Variants in ZNF536 observed in about 807,000 individuals in gnomAD.
The protein encoded by ZNF536 is zinc finger protein 536.
ZNF536 carries 13 observed loss-of-function variants against 84.5 expected under a neutral mutation model. The observed-to-expected ratio is 0.15, with a 90% confidence interval of 0.10 to 0.24. The LOEUF is 0.24. Among genes scored for constraint, ZNF536 ranks in the 10% least tolerant of loss-of-function variants. The pLI is 1.00. For synonymous variants in ZNF536, 811 were observed against 742.5 expected (o/e 1.09, Z -1.50); for missense variants, 1,536 against 1,747.5 (o/e 0.88, Z 2.16).
intron 1 of ZNF536, among the ~76,000 whole-genome samples, chr19:30,270,891 T>C (rs1486814399): frequency 2.0e-5 from 3 of 152,238 alleles, no homozygotes; most frequent in Non-Finnish European, 2.9e-5. Flanking sequence ...ATTACAATGT[T>C]TGTTAATGTA....
At chr19:30,475,297 C>A (rs929363541) in intron 2 of ZNF536, among the ~76,000 whole-genome samples, 1 of 152,024 alleles carries the variant, frequency 6.6e-6, no homozygotes, top group East Asian at 1.9e-4. Context: ...TTCTCTTAGC[C>A]CTGTTCCTGT....
intron 1 of ZNF536, among the ~76,000 whole-genome samples, chr19:30,698,609 C>G (rs1367495337): frequency 6.6e-6 from 1 of 152,132 alleles, no homozygotes; most frequent in African/African-American, 2.4e-5. Context: ...CAGAACGTCC[C>G]TCAGTTGCAA....
chr19:30,289,737 C>T (rs548437323), intron 2 of ZNF536, among the ~76,000 whole-genome samples: 5 of 152,302 alleles, frequency 3.3e-5, no homozygotes, highest in South Asian at 2.1e-4. Flanking sequence ...ATGCCTATCC[C>T]GCTCATTTTT....
chr19:30,568,503 G>C (rs1306421021), intron 1 of ZNF536, among the ~76,000 whole-genome samples: 1 of 152,154 alleles, frequency 6.6e-6, no homozygotes, highest in Non-Finnish European at 1.5e-5. Context: ...TGCAAGTATT[G>C]ATTAGTCTAG....
At chr19:30,423,095 G>T (rs2051047142) in intron 1 of ZNF536, among the ~76,000 whole-genome samples, 1 of 62,440 alleles carries the variant, frequency 1.6e-5, no homozygotes, top group Non-Finnish European at 2.8e-5. Flanking sequence ...CCCTTCATCT[G>T]CTCATCTACA....
intron 1 of ZNF536, among the ~76,000 whole-genome samples, chr19:30,636,680 G>A (rs377157611): frequency 7.2e-5 from 11 of 152,272 alleles, no homozygotes; most frequent in African/African-American, 2.4e-4. Context: ...GGGTCTTTAT[G>A]TGCCTTTGAG....
chr19:30,629,572 C>T (rs1386609846), intron 1 of ZNF536, among the ~76,000 whole-genome samples: 1 of 152,194 alleles, frequency 6.6e-6, no homozygotes, highest in African/African-American at 2.4e-5. Context: ...AAAGAAGGGG[C>T]AAGGCTCAGA....
intron 2 of ZNF536, among the ~76,000 whole-genome samples, chr19:30,480,806 C>T (rs1444493795): frequency 6.6e-6 from 1 of 152,182 alleles, no homozygotes; most frequent in African/African-American, 2.4e-5. Context: ...GAGGCCGAGG[C>T]AGGCAGATCA....
chr19:30,245,106 G>C (rs916791663), intron 1 of ZNF536, among the ~76,000 whole-genome samples: 1 of 152,086 alleles, frequency 6.6e-6, no homozygotes, highest in Admixed American at 6.5e-5. Context: ...GGACACACAG[G>C]CTCCATCCCA....
intron 1 of ZNF536, among the ~76,000 whole-genome samples, chr19:30,400,005 A>G (rs1016831056): frequency 2.0e-5 from 3 of 152,194 alleles, no homozygotes; most frequent in African/African-American, 7.2e-5. Flanking sequence ...TGGCTTTTTA[A>G]AATTCAGCAT....
chr19:30,600,646 C>A (rs1443381678), intron 1 of ZNF536, among the ~76,000 whole-genome samples: 2 of 152,178 alleles, frequency 1.3e-5, no homozygotes, highest in African/African-American at 4.8e-5. Context: ...AAACTGGCGC[C>A]CCGGAGGAGG....
chr19:30,512,709 A>G (rs1250040599), intron 2 of ZNF536, among the ~76,000 whole-genome samples: 3 of 152,186 alleles, frequency 2.0e-5, no homozygotes, highest in Admixed American at 2.0e-4. Flanking sequence ...ACTTTAATCT[A>G]AAATTTCATT....
chr19:30,287,877 C>T (rs553176833), intron 2 of ZNF536, among the ~76,000 whole-genome samples: 1 of 152,302 alleles, frequency 6.6e-6, no homozygotes, highest in South Asian at 2.1e-4. Context: ...CAAGCCCTAA[C>T]ATGTACCTTA....
chr19:30,421,560 A>C (rs1209223630), intron 1 of ZNF536, among the ~76,000 whole-genome samples: 1 of 152,114 alleles, frequency 6.6e-6, no homozygotes, highest in Non-Finnish European at 1.5e-5. Context: ...TGAGAGTCTC[A>C]CCATGTTACC....
At chr19:30,239,438 C>T (rs1051655764) in intron 1 of ZNF536, among the ~76,000 whole-genome samples, 1 of 152,210 alleles carries the variant, frequency 6.6e-6, no homozygotes, top group Admixed American at 6.5e-5. Flanking sequence ...AGGTTGCATG[C>T]CCTTCAGACT....
At chr19:30,628,300 C>T (rs552608844) in intron 1 of ZNF536, among the ~76,000 whole-genome samples, 1 of 152,354 alleles carries the variant, frequency 6.6e-6, no homozygotes, top group South Asian at 2.1e-4. Context: ...TGCCACCACC[C>T]CAGGACCCTG....
rs1312414076 is a variant in ZNF536 at position 30,410,844 on chromosome 19, T to C, written c.-2-32717T>C. Among the ~76,000 whole-genome samples, 3 of 152,232 alleles carry C rather than the reference T, an allele frequency of 2.0e-5. 1 individual carries two copies. The East Asian group carries it at 5.8e-4, about 29-fold the overall frequency. On this transcript the variant is annotated intron_variant, in intron 1 of 4. Transcript: ENST00000355537. ...TCACCCTCTTCTCAAGAGGTAATAATTTTTCATGGATTGGCATTATCTCTG... is the reference window on the plus strand; with the variant it reads ...TCACCCTCTTCTCAAGAGGTAATAACTTTTCATGGATTGGCATTATCTCTG...
intron 1 of ZNF536, among the ~76,000 whole-genome samples, chr19:30,377,207 G>T (rs1182490010): frequency 6.6e-6 from 1 of 152,180 alleles, no homozygotes; most frequent in African/African-American, 2.4e-5. Flanking sequence ...CAGGTTCTCG[G>T]GAAAGCTGGC....
rs76128851 is a variant in ZNF536 at position 30,269,262 on chromosome 19, C to G, written c.-189-14810C>G. Among the ~76,000 whole-genome samples the G allele has an allele frequency of 3.2e-3, 486 of 152,214 alleles. 1 individual carries two copies. The highest frequency in any genetic ancestry group is 0.011 in the African/African-American group (458 of 41,530). On this transcript the variant is annotated intron_variant, in intron 1 of 5. Transcript: ENST00000585628. ...CACAGATCTGTACAAGGTGGGTGTC[C>G]GGAGAGGAGCAGGTTGAACATGAGG...
Sources: allele counts gnomAD v4.1 joint callset (sites outside exome capture counted in the v4.1 genomes callset), GRCh38; gene constraint gnomAD v4.1.1; transcripts MANE v1.5; gene names NCBI Gene and HGNC (gene_info 2026-07-23, HGNC 2026-07-21).